The following ABTB2 variants were observed in gnomAD, a reference collection of about 807,000 sequenced individuals.
The protein encoded by ABTB2 is ankyrin repeat and BTB/POZ domain-containing protein 2.
Under a neutral mutation model 104.1 loss-of-function variants are expected in ABTB2, and 56 were observed. That is an observed-to-expected ratio of 0.54 (90% CI 0.43 to 0.67). The LOEUF is 0.67. ABTB2 is among the 30% of genes least tolerant of loss of function. ABTB2 has a pLI of 0.00. For missense variants in ABTB2, 1,279 were observed against 1,407.7 expected (o/e 0.91, Z 1.46); for synonymous variants, 606 against 608.2 (o/e 1.00, Z 0.05).
chr11:34,283,733 A>C (rs192787114), intron 1 of ABTB2, among the ~76,000 whole-genome samples: 2 of 152,312 alleles, frequency 1.3e-5, no homozygotes, highest in Non-Finnish European at 2.9e-5. Context: ...TATTTTTTGT[A>C]GGTGGTCTTT....
At chr11:34,331,802 GA>G (rs1368475458) in intron 1 of ABTB2, among the ~76,000 whole-genome samples, 2 of 152,174 alleles carry the variant, frequency 1.3e-5, no homozygotes, top group Non-Finnish European at 2.9e-5. Flanking sequence ...AAGACTGCGG[GA>G]AAAAGAAAAA....
intron 1 of ABTB2, among the ~76,000 whole-genome samples, chr11:34,250,606 C>T (rs1043361383): frequency 2.6e-5 from 4 of 152,142 alleles, no homozygotes; most frequent in East Asian, 1.9e-4. Flanking sequence ...GAAAGAGGAG[C>T]GATGCATGTG....
chr11:34,200,496 G>A (rs1316144637), intron 2 of ABTB2, among the ~76,000 whole-genome samples: 2 of 152,172 alleles, frequency 1.3e-5, no homozygotes, highest in South Asian at 4.1e-4. Context: ...AGACCAGAAA[G>A]ACAAATGGCT....
intron 1 of ABTB2, among the ~76,000 whole-genome samples, chr11:34,210,156 A>G (rs1853464475): frequency 6.6e-6 from 1 of 152,132 alleles, no homozygotes. Context: ...GGGTTTTTAG[A>G]AGCAGGGCTT....
At chr11:34,305,271 G>A (rs2133101404) in intron 1 of ABTB2, among the ~76,000 whole-genome samples, 2 of 152,314 alleles carry the variant, frequency 1.3e-5, no homozygotes, top group South Asian at 4.1e-4. Context: ...CTCATTCTTG[G>A]CAGTGTTAGT....
chr11:34,198,322 C>T (rs546248278), intron 2 of ABTB2, among the ~76,000 whole-genome samples: 9 of 151,936 alleles, frequency 5.9e-5, no homozygotes, highest in Admixed American at 2.0e-4. Context: ...CTACTCGGGA[C>T]GCTGAGGCAG....
At chr11:34,209,921 T>C (rs540043996) in intron 1 of ABTB2, among the ~76,000 whole-genome samples, 1 of 151,504 alleles carries the variant, frequency 6.6e-6, no homozygotes, top group African/African-American at 2.4e-5. Context: ...GGTGGAACTC[T>C]GGAGGACAGC....
rs145706395 is a variant in ABTB2, at chr11:34,234,097, G to A, written c.884-29407C>T. On this transcript the variant is annotated intron_variant, in intron 1 of 16. Coordinates refer to ENST00000435224, the MANE Select transcript of ABTB2 (RefSeq NM_145804.3). Reference sequence around the variant, plus strand: ...AGCTGGGCTGCAGGTATTTTCCACAGTGCTCTGGCAAGGCCTTCTCCGTGG... The same window carrying A: ...AGCTGGGCTGCAGGTATTTTCCACAATGCTCTGGCAAGGCCTTCTCCGTGG... 2.2e-3 allele frequency among the ~76,000 whole-genome samples: 331 copies of A among 152,296 alleles called. 1 individual carries two copies. Among genetic ancestry groups the A allele is most frequent in the Non-Finnish European group, 4.1e-3 (278 of 68,018 alleles).
intron 3 of ABTB2, among the ~76,000 whole-genome samples, chr11:34,179,351 A>G (rs1392941136): frequency 6.6e-6 from 1 of 152,214 alleles, no homozygotes. Flanking sequence ...GACTCCTGGC[A>G]AGAGTCCCTG....
chr11:34,229,129 A>AAAAAAT (rs1193281783), intron 1 of ABTB2, among the ~76,000 whole-genome samples: 5 of 147,052 alleles, frequency 3.4e-5, no homozygotes, highest in Non-Finnish European at 6.0e-5. Flanking sequence ...TGGAAAAAAA[A>AAAAAAT]AAAAAAGAGA....
rs188252121 is a variant in ABTB2 at position 34,283,388 on chromosome 11, G to A, written c.883+73313C>T. On this transcript the variant is annotated intron_variant, in intron 1 of 16. Transcript: ENST00000435224. ...GTGCCACCATGCTCAGCTAATTTTT[G>A]TACTTTTAGTAGAGATGGGGTTTCA... Among the ~76,000 whole-genome samples, 219 of 151,696 alleles carry A rather than the reference G, an allele frequency of 1.4e-3. 1 individual carries two copies. The highest frequency in any genetic ancestry group is 2.5e-3 in the Non-Finnish European group (172 of 67,894).
Position 34,152,798 on chromosome 11 carries a change from T to C in ABTB2, c.2881-214A>G, listed in dbSNP as rs1852564451. ...TCCTGCCTGTGTCATACTGTCATGC[T>C]GCCCTGTTAAGTGGCAGTCATCCCT... is the stretch of plus-strand genomic sequence containing the variant. On this transcript the variant is annotated intron_variant, in intron 16 of 16. Transcript: ENST00000435224. Among the ~76,000 whole-genome samples, 3 of 152,232 alleles carry C rather than the reference T, an allele frequency of 2.0e-5. No individual in the cohort carries two copies. In the South Asian group the frequency reaches 6.2e-4, roughly 32 times the overall value.
At chr11:34,234,130 A>AGG (rs565121105) in intron 1 of ABTB2, among the ~76,000 whole-genome samples, 1 of 152,116 alleles carries the variant, frequency 6.6e-6, no homozygotes, top group African/African-American at 2.4e-5. Flanking sequence ...TGGCTCAGTT[A>AGG]GGGGGTTTCC....
intron 1 of ABTB2, among the ~76,000 whole-genome samples, chr11:34,288,425 G>A (rs1002595506): frequency 1.3e-5 from 2 of 152,190 alleles, no homozygotes; most frequent in Non-Finnish European, 2.9e-5. Flanking sequence ...TCACTCTTCA[G>A]AGTTATCCTA....
chr11:34,328,291 T>A (rs931295972), intron 1 of ABTB2, among the ~76,000 whole-genome samples: 1 of 152,154 alleles, frequency 6.6e-6, no homozygotes, highest in Non-Finnish European at 1.5e-5. Context: ...AGTACTTGCT[T>A]TTTTGACTGT....
chr11:34,152,309 G>C lies in ABTB2; in HGVS notation c.*78C>G. Reference sequence around the variant, plus strand: ...CAGCCCCGTGAACCTGGCTCCAAGAGGGCCTACAACCATACCCCGACATGG... The same window carrying C: ...CAGCCCCGTGAACCTGGCTCCAAGACGGCCTACAACCATACCCCGACATGG... On this transcript the variant is annotated 3_prime_UTR_variant, in exon 17 of 17. Coordinates refer to ENST00000435224, the MANE Select transcript of ABTB2 (RefSeq NM_145804.3). The C allele has an allele frequency of 6.9e-7, 1 of 1,449,732 alleles. No homozygotes were observed. Among genetic ancestry groups the C allele is most frequent in the Non-Finnish European group, 9.2e-7 (1 of 1,085,072 alleles). 89.8% of individuals were successfully genotyped at this position (1,449,732 alleles called of 1,614,324 possible). A position where few individuals can be genotyped will look rare whatever the true frequency, so the allele number is the denominator to read the frequency against.
At chr11:34,320,508 T>C (rs1202374331) in intron 1 of ABTB2, among the ~76,000 whole-genome samples, 3 of 152,236 alleles carry the variant, frequency 2.0e-5, no homozygotes, top group Non-Finnish European at 2.9e-5. Context: ...TACAGAGATT[T>C]ATGATAAAAG....
Position 34,162,707 on chromosome 11 carries a change from G to A in ABTB2, c.2087C>T (p.Ala696Val), listed in dbSNP as rs765150693. 1.7e-5 allele frequency: 27 copies of A among 1,612,414 alleles called. No homozygotes were observed. In the Middle Eastern group the frequency reaches 4.9e-4, roughly 29 times the overall value. The part of the protein sequence containing the change: ...ILAEGVEESD[A>V]SSQGSGSEGP... ...CTCGCTGCCACTGCCCTGGCTCGAC[G>A]CATCACTTTCCTCCACACCCTCGGC... The change falls in exon 10 of 17, where the codon GCG (alanine) becomes GTG (valine). Residue 696 changes from alanine to valine, a missense_variant. Physicochemically the swap from Ala to Val is moderately conservative, Grantham distance 64. Transcript: ENST00000435224.
At chr11:34,243,855 G>C (rs1213037363) in intron 1 of ABTB2, among the ~76,000 whole-genome samples, 4 of 152,198 alleles carry the variant, frequency 2.6e-5, no homozygotes, top group Admixed American at 6.5e-5. Context: ...TGGTGACTCA[G>C]CAGAGGGCAT....
Sources: allele counts gnomAD v4.1 joint callset (sites outside exome capture counted in the v4.1 genomes callset), GRCh38; gene constraint gnomAD v4.1.1; transcripts MANE v1.5; gene names NCBI Gene and HGNC (gene_info 2026-07-23, HGNC 2026-07-21).